The following SRGAP2 variants were observed in gnomAD, a reference collection of about 807,000 sequenced individuals.
SRGAP2 encodes SLIT-ROBO Rho GTPase activating protein 2.
A neutral mutation model predicts 57.2 loss-of-function variants in SRGAP2; 15 were observed. That is an observed-to-expected ratio of 0.26 (90% confidence interval 0.18 to 0.40). The LOEUF (loss-of-function observed/expected upper bound fraction) is 0.40, where lower values mean the gene tolerates loss of function less well. SRGAP2 is among the 10% of genes least tolerant of loss of function. SRGAP2 has a pLI of 1.00. For missense variants in SRGAP2, 520 were observed against 669.6 expected (o/e 0.78, Z 2.47); for synonymous variants, 249 against 248.0 (o/e 1.00, Z -0.04).
rs566974919 is a variant in SRGAP2 at position 206,255,836 on chromosome 1, C to T, written c.68-47445C>T. ...GCTCTAGGAGCTTTGCTCCCCCATC[C>T]TCTACTTGGGTTCTGGAACTGGACT... is the stretch of plus-strand genomic sequence containing the variant. On this transcript the variant is annotated intron_variant, in intron 2 of 22. Coordinates refer to ENST00000573034, the MANE Select transcript of SRGAP2 (RefSeq NM_015326.5). Among the ~76,000 whole-genome samples the T allele has an allele frequency of 7.0e-4, 106 of 152,110 alleles. 1 individual carries two copies. The highest frequency in any genetic ancestry group is 6.2e-3 in the Admixed American group (95 of 15,278).
chr1:206,312,915 T>C (rs1224382626), intron 3 of SRGAP2, among the ~76,000 whole-genome samples: 2 of 152,106 alleles, frequency 1.3e-5, no homozygotes, highest in Non-Finnish European at 2.9e-5. Flanking sequence ...TGTGTTAATA[T>C]GGCCCAGCAG....
At position 206,461,451 on chromosome 1, in the gene SRGAP2, G is replaced by A. The variant is rs1553380773; in HGVS notation, c.*31G>A. ...AATAATTTAATTGTTCTAGACAAGGGGACTATAGGGACTGACTGTTATTAA... is the reference window on the plus strand; with the variant it reads ...AATAATTTAATTGTTCTAGACAAGGAGACTATAGGGACTGACTGTTATTAA... On this transcript the variant is annotated 3_prime_UTR_variant, in exon 23 of 23. Transcript: ENST00000573034. 1.4e-6 allele frequency: 1 copy of A among 691,596 alleles called. No homozygotes were observed. The highest frequency in any genetic ancestry group is 2.5e-5 in the East Asian group (1 of 40,062). 42.8% of individuals were successfully genotyped at this position (691,596 alleles called of 1,614,324 possible). A position where few individuals can be genotyped will look rare whatever the true frequency, so the allele number is the denominator to read the frequency against.
At chr1:206,412,048 CAG>C (rs1404641241) in intron 10 of SRGAP2, among the ~76,000 whole-genome samples, 2 of 152,142 alleles carry the variant, frequency 1.3e-5, no homozygotes, top group Non-Finnish European at 2.9e-5. Flanking sequence ...AACTAAGACT[CAG>C]GGGGTTAAAT....
intron 11 of SRGAP2, 124 bp downstream of exon 11, chr1:206,416,097 T>G (rs1553361848): frequency 1.6e-6 from 1 of 611,600 alleles, no homozygotes; most frequent in African/African-American, 1.9e-5. Flanking sequence ...CTTTCTTTTC[T>G]TGGCTTGTTG....
At chr1:206,426,439 G>A (rs1467051847) in intron 13 of SRGAP2, among the ~76,000 whole-genome samples, 1 of 152,222 alleles carries the variant, frequency 6.6e-6, no homozygotes, top group Non-Finnish European at 1.5e-5. Context: ...ACCTGAGAGT[G>A]CAGTTACACT....
At chr1:206,307,665 C>T (rs1672326626) in intron 3 of SRGAP2, among the ~76,000 whole-genome samples, 1 of 152,254 alleles carries the variant, frequency 6.6e-6, no homozygotes, top group Non-Finnish European at 1.5e-5. Flanking sequence ...TGCTGGGGGA[C>T]TCAGTACACC....
chr1:206,384,605 T>C (rs1656016972), intron 5 of SRGAP2, among the ~76,000 whole-genome samples: 1 of 151,580 alleles, frequency 6.6e-6, no homozygotes. Flanking sequence ...CTTCCTGGAG[T>C]TTTATAAAGC....
intron 4 of SRGAP2, among the ~76,000 whole-genome samples, chr1:206,354,789 C>G (rs1315728522): frequency 1.5e-4 from 22 of 147,966 alleles, no homozygotes; most frequent in South Asian, 2.3e-4. Context: ...CCCTCCCCCC[C>G]TTCCTTCTCC....
chr1:206,276,589 G>T (rs1670426361), intron 2 of SRGAP2, among the ~76,000 whole-genome samples: 1 of 151,600 alleles, frequency 6.6e-6, no homozygotes, highest in Non-Finnish European at 1.5e-5. Context: ...TGGGCATATG[G>T]ATTATGACCA....
chr1:206,312,971 A>G (rs576433448), intron 3 of SRGAP2, among the ~76,000 whole-genome samples: 19 of 151,158 alleles, frequency 1.3e-4, no homozygotes, highest in African/African-American at 4.4e-4. Flanking sequence ...TTTTTTTTTT[A>G]AATAGACTTG....
At chr1:206,364,575 A>G (rs1553341239) in intron 4 of SRGAP2, among the ~76,000 whole-genome samples, 1 of 151,902 alleles carries the variant, frequency 6.6e-6, no homozygotes, top group East Asian at 1.9e-4. Context: ...TGCTGAGATT[A>G]CAGGCATAAG....
intron 2 of SRGAP2, among the ~76,000 whole-genome samples, chr1:206,295,632 C>G (rs1671548341): frequency 6.6e-6 from 1 of 150,616 alleles, no homozygotes; most frequent in Admixed American, 6.6e-5. Context: ...AGTATTTATT[C>G]TTAATTTCAT....
chr1:206,253,573 C>CTTTCT (rs1168460455), intron 2 of SRGAP2, among the ~76,000 whole-genome samples: 1 of 101,664 alleles, frequency 9.8e-6, no homozygotes, highest in Non-Finnish European at 1.9e-5. Context: ...TTCTTTCTTT[C>CTTTCT]TTTTTTTTTT....
At chr1:206,458,366 G>A (rs1553379138) in intron 21 of SRGAP2, 2 of 660,496 alleles carry the variant, frequency 3.0e-6, no homozygotes, top group East Asian at 6.2e-5. Context: ...CATTTTTTCT[G>A]ACAGCAACTT....
chr1:206,324,642 G>T (rs1425897163), intron 3 of SRGAP2, among the ~76,000 whole-genome samples: 1 of 152,158 alleles, frequency 6.6e-6, no homozygotes, highest in Non-Finnish European at 1.5e-5. Context: ...GACAGGGAGC[G>T]TGTTCCTTGG....
chr1:206,284,682 C>G lies in SRGAP2; in HGVS notation c.68-18599C>G, dbSNP rs1311360063. On this transcript the variant is annotated intron_variant, in intron 2 of 22. Transcript: ENST00000573034. Reference sequence around the variant, plus strand: ...CAGGCTGGTCTGGAACTCCTGACTTCAAGTGGTCCTCCCGCTTCGGCCTCC... The same window carrying G: ...CAGGCTGGTCTGGAACTCCTGACTTGAAGTGGTCCTCCCGCTTCGGCCTCC... Among the ~76,000 whole-genome samples the G allele has an allele frequency of 2.0e-5, 3 of 152,180 alleles. No individual in the cohort carries two copies. In the East Asian group the frequency reaches 5.8e-4, roughly 29 times the overall value.
At chr1:206,382,582 G>A (rs561654149) in intron 4 of SRGAP2, among the ~76,000 whole-genome samples, 1 of 151,642 alleles carries the variant, frequency 6.6e-6, no homozygotes, top group African/African-American at 2.4e-5. Flanking sequence ...TTAGAGTGGT[G>A]ATTTCTTAGT....
At chr1:206,244,303 G>T (rs1209735613) in intron 2 of SRGAP2, among the ~76,000 whole-genome samples, 2 of 91,178 alleles carry the variant, frequency 2.2e-5, no homozygotes, top group African/African-American at 4.6e-5. Flanking sequence ...GCAGAGTCAT[G>T]CTCCGTCACC....
At chr1:206,266,415 G>A (rs1357049755) in intron 2 of SRGAP2, among the ~76,000 whole-genome samples, 1 of 151,720 alleles carries the variant, frequency 6.6e-6, no homozygotes, top group Non-Finnish European at 1.5e-5. Context: ...GGCTAATGTT[G>A]TATTTTTAGT....
Sources: gnomAD v4.1 joint callset for allele counts (sites outside exome capture counted in the v4.1 genomes callset) on GRCh38, gnomAD v4.1.1 for gene constraint, MANE v1.5 for transcripts, NCBI Gene and HGNC (gene_info 2026-07-23, HGNC 2026-07-21) for gene names.